Variants in PRDM5 observed in about 807,000 individuals in gnomAD.
PRDM5 encodes PR/SET domain 5.
A neutral mutation model predicts 81.2 loss-of-function variants in PRDM5; 56 were observed. That is an observed-to-expected ratio of 0.69 (90% CI 0.56 to 0.86). The LOEUF is 0.86. Ranked by LOEUF, PRDM5 falls within the 40% of genes least tolerant of loss-of-function variation. PRDM5 has a pLI of 0.00. For missense variants in PRDM5, 697 were observed against 770.1 expected (o/e 0.91, Z 1.12); for synonymous variants, 267 against 256.4 (o/e 1.04, Z -0.39).
At chr4:120,814,043 G>C (rs1418950611) in intron 7 of PRDM5, among the ~76,000 whole-genome samples, 2 of 152,078 alleles carry the variant, frequency 1.3e-5, no homozygotes, top group East Asian at 1.9e-4. Context: ...TTTCACCCTA[G>C]AAGAATCCTA....
At chr4:120,901,294 A>G (rs1234221060) in intron 2 of PRDM5, among the ~76,000 whole-genome samples, 1 of 152,168 alleles carries the variant, frequency 6.6e-6, no homozygotes, top group African/African-American at 2.4e-5. Flanking sequence ...AAAATCAGAA[A>G]CTGCCCACAA....
chr4:120,800,218 A>G (rs1751942805), intron 8 of PRDM5, among the ~76,000 whole-genome samples: 1 of 152,196 alleles, frequency 6.6e-6, no homozygotes, highest in Non-Finnish European at 1.5e-5. Context: ...TTAGTTCACA[A>G]TAGAAGTTTC....
At chr4:120,777,072 C>T in intron 13 of PRDM5, 116 bp downstream of exon 13, 3 of 1,562,668 alleles carry the variant, frequency 1.9e-6, no homozygotes, top group South Asian at 1.2e-5. Context: ...AGAGAGAAAA[C>T]AGCCAAGATT....
At chr4:120,695,411 C>T (rs1191479798) in intron 15 of PRDM5, 136 bp from the exon 16 acceptor site, 1 of 955,444 alleles carries the variant, frequency 1.0e-6, no homozygotes, top group Non-Finnish European at 1.6e-6. Flanking sequence ...CCCGAGTCAC[C>T]CTTCCCTTTT....
rs769647986 is a variant in PRDM5, at chr4:120,785,072, G to A, written c.1208C>T (p.Pro403Leu). The change falls in exon 11 of 16, where the codon CCG becomes CTG. Residue 403 changes from proline (P) to leucine (L), a missense_variant. Pro to Leu is a moderately conservative substitution (Grantham distance 98). Coordinates refer to ENST00000264808, the MANE Select transcript of PRDM5 (RefSeq NM_018699.4). ...AGCTTTACATTCTTCACATTGGAAC[G>A]GTCTCTCCTCAGAGTGGGTCTGCAG... ...NHKKTHSEER[P>L]FQCEECKALF... 1.3e-5 allele frequency: 21 copies of A among 1,611,022 alleles called. No homozygotes were observed. Among genetic ancestry groups the A allele is most frequent in the African/African-American group, 5.4e-5 (4 of 74,766 alleles).
At position 120,877,285 on chromosome 4, in the gene PRDM5, A is replaced by G. The variant is rs897138949; in HGVS notation, c.178-23745T>C. ...GTAGCAAATAGTTTCCTCCTCAAAA[A>G]CCCGTATTTCTGACCATGGCTATTT... On this transcript the variant is annotated intron_variant, in intron 2 of 15. Coordinates refer to ENST00000264808, the MANE Select transcript of PRDM5 (RefSeq NM_018699.4). 4.4e-4 allele frequency among the ~76,000 whole-genome samples: 67 copies of G among 152,080 alleles called. 5 individuals carry two copies. Among genetic ancestry groups the G allele is most frequent in the Non-Finnish European group, 2.9e-5 (2 of 68,006 alleles).
At chr4:120,885,451 A>AAGTTGG (rs1375451285) in intron 2 of PRDM5, 2 of 152,102 alleles carry the variant, frequency 1.3e-5, no homozygotes, top group African/African-American at 2.4e-5. Flanking sequence ...ATTATTTAAC[A>AAGTTGG]AGTTGGAGTT....
intron 1 of PRDM5, among the ~76,000 whole-genome samples, chr4:120,910,748 T>C (rs1766411226): frequency 6.6e-6 from 1 of 152,226 alleles, no homozygotes. Context: ...TCATCATAAA[T>C]GAAGTATATA....
At chr4:120,917,643 T>C (rs990880652) in intron 1 of PRDM5, among the ~76,000 whole-genome samples, 1 of 147,132 alleles carries the variant, frequency 6.8e-6, no homozygotes, top group Non-Finnish European at 1.5e-5. Context: ...AAATAAAAAT[T>C]ATGGCACATC....
chr4:120,778,692 G>A (rs1019601163), intron 12 of PRDM5, among the ~76,000 whole-genome samples: 4 of 151,764 alleles, frequency 2.6e-5, no homozygotes, highest in African/African-American at 4.8e-5. Context: ...AAACACAATC[G>A]AATCAACTAC....
chr4:120,691,685 G>A (rs901313295), downstream of PRDM5, among the ~76,000 whole-genome samples: 1 of 152,044 alleles, frequency 6.6e-6, no homozygotes. Flanking sequence ...AATGAGAAGA[G>A]AGGCAAGGAA....
rs1465299299 is a variant in PRDM5, at chr4:120,810,534, G to A, written c.945+836C>T. The A allele has an allele frequency of 3.9e-5, 6 of 152,068 alleles. No individual in the cohort carries two copies. The East Asian group carries it at 1.2e-3, about 29-fold the overall frequency. The allele number at this position is 152,068 out of a possible 1,614,324, so 9.4% of individuals were successfully genotyped here. On this transcript the variant is annotated intron_variant, in intron 8 of 15. Transcript: ENST00000264808. ...AAGATTAGCATGGCCTCTGCACAAG[G>A]AGGACACACAAATTCATAAAGCATT...
chr4:120,825,393 G>A (rs546519699), intron 3 of PRDM5, among the ~76,000 whole-genome samples: 33 of 152,038 alleles, frequency 2.2e-4, no homozygotes, highest in Admixed American at 2.0e-3. Flanking sequence ...TGCTTTTACC[G>A]TGCTGCTTTG....
At chr4:120,699,289 T>A (rs1016055918) in intron 15 of PRDM5, among the ~76,000 whole-genome samples, 3 of 150,532 alleles carry the variant, frequency 2.0e-5, no homozygotes, top group Non-Finnish European at 4.4e-5. Context: ...CTCAAATTGC[T>A]ACTGACTAGT....
chr4:120,854,831 G>A (rs1759687141), intron 2 of PRDM5, among the ~76,000 whole-genome samples: 1 of 152,024 alleles, frequency 6.6e-6, no homozygotes, highest in Admixed American at 6.6e-5. Context: ...GAGGGAACAG[G>A]CCAGTAGAGA....
At chr4:120,689,004 C>G (rs530300471), downstream of PRDM5, among the ~76,000 whole-genome samples, 26 of 152,240 alleles carry the variant, frequency 1.7e-4, no homozygotes, top group Admixed American at 3.9e-4. Context: ...GACTCTGTGC[C>G]ATCCATATAC....
At chr4:120,862,815 C>T (rs924154920) in intron 2 of PRDM5, among the ~76,000 whole-genome samples, 1 of 152,018 alleles carries the variant, frequency 6.6e-6, no homozygotes. Flanking sequence ...AATGGGCTTC[C>T]TTGTACAGAA....
chr4:120,807,661 C>T (rs6534212), intron 8 of PRDM5, among the ~76,000 whole-genome samples: 2 of 152,186 alleles, frequency 1.3e-5, no homozygotes. Flanking sequence ...AGCCGCAGAC[C>T]CTCACAGTGA....
At chr4:120,741,415 G>A (rs565763616) in intron 14 of PRDM5, among the ~76,000 whole-genome samples, 5 of 151,826 alleles carry the variant, frequency 3.3e-5, no homozygotes, top group East Asian at 3.9e-4. Flanking sequence ...GGTTATCAGG[G>A]GGGAGGAGCC....
Sources: allele counts gnomAD v4.1 joint callset (sites outside exome capture counted in the v4.1 genomes callset), GRCh38; gene constraint gnomAD v4.1.1; transcripts MANE v1.5; gene names NCBI Gene and HGNC (gene_info 2026-07-23, HGNC 2026-07-21).